CORO2A: variants seen among roughly 807,000 people sequenced by gnomAD.
The protein encoded by CORO2A is coronin 2A.
A neutral mutation model predicts 62.4 loss-of-function variants in CORO2A; 47 were observed. That is an observed-to-expected ratio of 0.75 (90% CI 0.60 to 0.96). The LOEUF (loss-of-function observed/expected upper bound fraction) is 0.96, where lower values mean the gene tolerates loss of function less well. Ranked by LOEUF, CORO2A falls within the 40% of genes least tolerant of loss-of-function variation. The pLI is 0.00. For synonymous variants in CORO2A, 273 were observed against 268.9 expected (o/e 1.02, Z -0.15); for missense variants, 610 against 684.1 (o/e 0.89, Z 1.21).
chr9:98,144,237 G>A (rs1459339421), intron 2 of CORO2A, among the ~76,000 whole-genome samples: 2 of 151,952 alleles, frequency 1.3e-5, no homozygotes, highest in Non-Finnish European at 2.9e-5. Context: ...AATCTAGGGA[G>A]TCATATATGT....
At position 98,155,566 on chromosome 9, in the gene CORO2A, C is replaced by T. The variant is rs147047380; in HGVS notation, c.201+1894G>A. Reference sequence around the variant, plus strand: ...TTCACCATGTTGGTTAGGCTGGTCTCGAACTCCTGACCTCATGATCCACCC... The same window carrying T: ...TTCACCATGTTGGTTAGGCTGGTCTTGAACTCCTGACCTCATGATCCACCC... On this transcript the variant is annotated intron_variant, in intron 2 of 11. Transcript: ENST00000375077. Among the ~76,000 whole-genome samples, 433 of 151,996 alleles carry T rather than the reference C, an allele frequency of 2.8e-3. 3 individuals carry two copies. Among genetic ancestry groups the T allele is most frequent in the African/African-American group, 1.0e-2 (414 of 41,444 alleles).
intron 1 of CORO2A, among the ~76,000 whole-genome samples, chr9:98,173,048 G>A (rs894621628): frequency 6.6e-6 from 1 of 152,246 alleles, no homozygotes; most frequent in African/African-American, 2.4e-5. Context: ...GCTCACGCTT[G>A]TAACCCAGCA....
intron 1 of CORO2A, among the ~76,000 whole-genome samples, chr9:98,188,834 T>TA (rs1342420271): frequency 6.6e-6 from 1 of 152,050 alleles, no homozygotes; most frequent in East Asian, 1.9e-4. Context: ...ACAAAAAAAC[T>TA]AGTACAATGT....
intron 3 of CORO2A, among the ~76,000 whole-genome samples, chr9:98,137,218 G>A (rs1327272330): frequency 6.6e-6 from 1 of 152,130 alleles, no homozygotes; most frequent in African/African-American, 2.4e-5. Flanking sequence ...GGATTAAGTG[G>A]AACATCTTTT....
intron 2 of CORO2A, among the ~76,000 whole-genome samples, chr9:98,142,600 T>C (rs913957399): frequency 2.0e-5 from 3 of 152,190 alleles, no homozygotes; most frequent in Non-Finnish European, 2.9e-5. Flanking sequence ...GATGAGCCAA[T>C]AGTCAGGCTG....
intron 3 of CORO2A, among the ~76,000 whole-genome samples, chr9:98,135,990 C>T (rs1015795049): frequency 3.3e-5 from 5 of 152,268 alleles, no homozygotes; most frequent in East Asian, 1.9e-4. Context: ...GAGGAGCAAC[C>T]GTGCCCTCCA....
intron 1 of CORO2A, among the ~76,000 whole-genome samples, chr9:98,177,746 A>G (rs1285926341): frequency 7.9e-6 from 1 of 127,308 alleles, no homozygotes. Flanking sequence ...CTTCCACAAG[A>G]AAAAAAAAAA....
At chr9:98,155,228 G>T (rs1827785967) in intron 2 of CORO2A, among the ~76,000 whole-genome samples, 1 of 151,712 alleles carries the variant, frequency 6.6e-6, no homozygotes, top group Non-Finnish European at 1.5e-5. Context: ...GGATTTTTCG[G>T]TACATTTTAT....
At chr9:98,137,524 C>T in intron 3 of CORO2A, 48 bp downstream of exon 3, 1 of 1,496,374 alleles carries the variant, frequency 6.7e-7, no homozygotes, top group South Asian at 1.1e-5. Flanking sequence ...CCAACCACCC[C>T]AATCCCACTC....
intron 2 of CORO2A, among the ~76,000 whole-genome samples, chr9:98,146,755 C>T (rs1299804603): frequency 1.3e-5 from 2 of 152,220 alleles, no homozygotes; most frequent in Non-Finnish European, 2.9e-5. Flanking sequence ...CCTGGACACA[C>T]TGCACAGGGT....
intron 1 of CORO2A, among the ~76,000 whole-genome samples, chr9:98,175,669 C>T (rs770699393): frequency 1.3e-5 from 2 of 152,166 alleles, no homozygotes; most frequent in East Asian, 1.9e-4. Context: ...ACAACACAAT[C>T]GCATGGAGAG....
chr9:98,128,278 A>G lies in CORO2A; in HGVS notation c.1081-18T>C, dbSNP rs1827356608. The G allele has an allele frequency of 1.3e-6, 2 of 1,598,582 alleles. No individual in the cohort carries two copies. Among genetic ancestry groups the G allele is most frequent in the African/African-American group, 2.7e-5 (2 of 74,674 alleles). ...GATTCTGACTGCAGGAGAAATCCAGACAGTGAGGAGGGTGGTAGGGTAGGC... is the reference window on the plus strand; with the variant it reads ...GATTCTGACTGCAGGAGAAATCCAGGCAGTGAGGAGGGTGGTAGGGTAGGC... On this transcript the variant is annotated intron_variant, in intron 9 of 11. Transcript: ENST00000375077.
At chr9:98,125,429 T>C (rs1222327003) in intron 11 of CORO2A, among the ~76,000 whole-genome samples, 4 of 152,198 alleles carry the variant, frequency 2.6e-5, no homozygotes, top group Non-Finnish European at 5.9e-5. Context: ...ATTCAGTCTC[T>C]GGGTCTAAGA....
At chr9:98,137,401 A>G (rs748888036) in intron 3 of CORO2A, among the ~76,000 whole-genome samples, 171 bp downstream of exon 3, 9 of 152,102 alleles carry the variant, frequency 5.9e-5, no homozygotes, top group Non-Finnish European at 1.0e-4. Context: ...CGCTAGTCCT[A>G]CAGCACCAAG....
At chr9:98,171,764 T>G (rs565769772) in intron 1 of CORO2A, among the ~76,000 whole-genome samples, 99 of 142,204 alleles carry the variant, frequency 7.0e-4, no homozygotes, top group African/African-American at 2.3e-3. Flanking sequence ...AGCGCGGGGG[T>G]GGGGAGGCTG....
intron 2 of CORO2A, among the ~76,000 whole-genome samples, chr9:98,154,063 T>G (rs1159437025): frequency 6.6e-6 from 1 of 152,122 alleles, no homozygotes; most frequent in Non-Finnish European, 1.5e-5. Flanking sequence ...TTGGTCAGAA[T>G]GTATCTTTTA....
intron 2 of CORO2A, among the ~76,000 whole-genome samples, chr9:98,145,128 T>C (rs1449081133): frequency 6.6e-6 from 1 of 152,220 alleles, no homozygotes; most frequent in African/African-American, 2.4e-5. Flanking sequence ...GAGGGTTTAC[T>C]GTAGAATCCA....
At chr9:98,146,399 A>T (rs1193036669) in intron 2 of CORO2A, among the ~76,000 whole-genome samples, 1 of 152,110 alleles carries the variant, frequency 6.6e-6, no homozygotes, top group Non-Finnish European at 1.5e-5. Context: ...CTGGGTCACA[A>T]CAGGCAAGAG....
At chr9:98,130,173 T>C (rs1827384678) in intron 7 of CORO2A, among the ~76,000 whole-genome samples, 3 of 152,118 alleles carry the variant, frequency 2.0e-5, no homozygotes, top group Non-Finnish European at 4.4e-5. Flanking sequence ...TGCAACCTCC[T>C]GGTCTCAAGC....
Sources: gnomAD v4.1 joint callset for allele counts (sites outside exome capture counted in the v4.1 genomes callset) on GRCh38, gnomAD v4.1.1 for gene constraint, MANE v1.5 for transcripts, NCBI Gene and HGNC (gene_info 2026-07-23, HGNC 2026-07-21) for gene names.